CSMD1: variants seen among roughly 807,000 people sequenced by gnomAD.
CSMD1 encodes the protein CUB and sushi domain-containing protein 1.
In CSMD1, 213 loss-of-function variants were observed where a neutral mutation model predicts 417.5. The ratio of observed to expected loss-of-function variants is 0.51; its 90% CI spans 0.46 to 0.57. The LOEUF is 0.57. Ranked by LOEUF, CSMD1 falls within the 20% of genes least tolerant of loss-of-function variation. CSMD1 has a pLI of 0.00. For missense variants in CSMD1, 6,923 were observed against 4,529.7 expected (o/e 1.53, Z -15.17); for synonymous variants, 2,862 against 1,736.8 (o/e 1.65, Z -16.11).
intron 2 of CSMD1, among the ~76,000 whole-genome samples, chr8:4,526,319 T>C (rs572212382): frequency 8.5e-4 from 129 of 152,364 alleles, no homozygotes; most frequent in Non-Finnish European, 1.4e-3. Flanking sequence ...ATGTCAGAAA[T>C]ACTTTTGCAA....
At chr8:4,840,687 G>GTGCC (rs1347459093) in intron 1 of CSMD1, among the ~76,000 whole-genome samples, 2 of 152,308 alleles carry the variant, frequency 1.3e-5, no homozygotes, top group East Asian at 3.9e-4. Flanking sequence ...TTATTACTCA[G>GTGCC]TGCCTGCAAG....
In CSMD1 at chr8:3,965,211, G is replaced by A. The variant is rs913470810; in HGVS notation, c.818+32692C>T. On this transcript the variant is annotated intron_variant, in intron 5 of 69. Coordinates refer to ENST00000635120, the MANE Select transcript of CSMD1 (RefSeq NM_033225.6). ...GACCAGGAGACAAGGGCGGAAGGAGGGGCTGAACTTGAACAGAGACGGCAA... is the reference window on the plus strand; with the variant it reads ...GACCAGGAGACAAGGGCGGAAGGAGAGGCTGAACTTGAACAGAGACGGCAA... Among the ~76,000 whole-genome samples the A allele has an allele frequency of 8.5e-5, 13 of 152,116 alleles. No homozygotes were observed. The South Asian group carries it at 1.0e-3, about 12-fold the overall frequency.
At chr8:3,656,190 C>G (rs563818199) in intron 7 of CSMD1, among the ~76,000 whole-genome samples, 18 of 152,222 alleles carry the variant, frequency 1.2e-4, no homozygotes, top group African/African-American at 4.3e-4. Flanking sequence ...ATGTTTCCTA[C>G]CAGAGCTATT....
chr8:3,142,465 C>G lies in CSMD1; in HGVS notation c.6241G>C (p.Ala2081Pro), dbSNP rs1264927151. ...NRQGFKLAYQ[A>P]YELQNCPDPP... ...TTCGGTTCTCGTTGTTGTTCCATAC[C>G]TTGGTAAGCAAGTTTAAATCCTTGC... is the stretch of plus-strand genomic sequence containing the variant. Residue 2081 changes from alanine to proline, a missense_variant and splice_region_variant, in exon 41 of 70, where the codon GCC becomes CCC. Transcript: ENST00000635120. 6.2e-7 allele frequency: 1 copy of G among 1,612,102 alleles called. No individual in the cohort carries two copies. The highest frequency in any genetic ancestry group is 1.3e-5 in the African/African-American group (1 of 74,832).
At chr8:4,391,725 G>T (rs747728747) in intron 3 of CSMD1, among the ~76,000 whole-genome samples, 1 of 152,132 alleles carries the variant, frequency 6.6e-6, no homozygotes, top group African/African-American at 2.4e-5. Flanking sequence ...AAACCTCCAA[G>T]TGCAATGTGC....
intron 3 of CSMD1, among the ~76,000 whole-genome samples, chr8:4,034,864 A>G (rs1287625687): frequency 6.6e-6 from 1 of 152,240 alleles, no homozygotes; most frequent in Non-Finnish European, 1.5e-5. Context: ...AGACACGGTT[A>G]TCAATGGAAA....
intron 3 of CSMD1, among the ~76,000 whole-genome samples, chr8:4,036,141 A>G (rs893006974): frequency 1.3e-5 from 2 of 152,186 alleles, no homozygotes; most frequent in Admixed American, 1.3e-4. Context: ...CTAGGTGCGT[A>G]GTAGGCCGCA....
Position 3,181,101 on chromosome 8 carries a change from T to G in CSMD1, c.5725+9A>C, listed in dbSNP as rs1821292965. On this transcript the variant is annotated intron_variant, in intron 37 of 69. Transcript: ENST00000635120. ...AGTGGAAGCTGTATACAGAAAGAGT[T>G]GACCTTACTTTTGTATTCCAGGTGG... 1 of 1,583,282 alleles carries G rather than the reference T, an allele frequency of 6.3e-7. No individual in the cohort carries two copies. The highest frequency in any genetic ancestry group is 8.7e-7 in the Non-Finnish European group (1 of 1,152,452).
At chr8:3,433,154 T>G (rs1466601366) in intron 12 of CSMD1, among the ~76,000 whole-genome samples, 2 of 152,244 alleles carry the variant, frequency 1.3e-5, no homozygotes, top group African/African-American at 4.8e-5. Context: ...ATGGTGGGAT[T>G]CTGAAGAAAC....
chr8:4,853,324 G>A (rs566596967), intron 1 of CSMD1, among the ~76,000 whole-genome samples: 2 of 152,308 alleles, frequency 1.3e-5, no homozygotes, highest in Admixed American at 6.5e-5. Flanking sequence ...CTGAAGCCAG[G>A]AATGCAAGGT....
Position 3,191,638 on chromosome 8 carries a change from G to C in CSMD1, c.5195-1523C>G, listed in dbSNP as rs112545141. 3.8e-3 allele frequency among the ~76,000 whole-genome samples: 583 copies of C among 152,184 alleles called. 4 individuals carry two copies. The highest frequency in any genetic ancestry group is 0.014 in the African/African-American group (561 of 41,532). On this transcript the variant is annotated intron_variant, in intron 33 of 69. Transcript: ENST00000635120. ...ACTGACAGGTAAGTATCAGTGCAAC[G>C]TGTGGGTGAGATAACTATTCAGGTT...
At chr8:3,619,956 G>C (rs574150591) in intron 7 of CSMD1, among the ~76,000 whole-genome samples, 1 of 152,122 alleles carries the variant, frequency 6.6e-6, no homozygotes, top group East Asian at 1.9e-4. Context: ...ATAAAAATCA[G>C]CCAGGCATGG....
rs369382146 is a variant in CSMD1 at position 4,145,294 on chromosome 8, T to C, written c.416-113195A>G. ...GAGTTAGACTTCCAATGCTTTCTTG[T>C]TGAGAACTTTATGGTACTCACCATT... On this transcript the variant is annotated intron_variant, in intron 3 of 69. Coordinates refer to ENST00000635120, the MANE Select transcript of CSMD1 (RefSeq NM_033225.6). Among the ~76,000 whole-genome samples the C allele has an allele frequency of 1.9e-4, 29 of 151,192 alleles. No homozygotes were observed. The South Asian group carries it at 5.8e-3, about 30-fold the overall frequency.
chr8:4,828,426 G>A (rs1182414190), intron 1 of CSMD1, among the ~76,000 whole-genome samples: 2 of 152,186 alleles, frequency 1.3e-5, no homozygotes, highest in African/African-American at 2.4e-5. Context: ...CGCAAAGCAG[G>A]GGAGTTGACA....
At chr8:3,130,116 T>C (rs937278577) in intron 41 of CSMD1, among the ~76,000 whole-genome samples, 1 of 152,202 alleles carries the variant, frequency 6.6e-6, no homozygotes, top group Non-Finnish European at 1.5e-5. Context: ...CATATAATTA[T>C]GTTCTATTTT....
At chr8:3,290,025 A>T (rs549489161) in intron 25 of CSMD1, among the ~76,000 whole-genome samples, 3 of 147,498 alleles carry the variant, frequency 2.0e-5, no homozygotes, top group African/African-American at 8.1e-5. Context: ...GAAGGGATCC[A>T]GTTTCAGCTT....
At chr8:4,594,193 ATCTTT>A (rs895459584) in intron 2 of CSMD1, among the ~76,000 whole-genome samples, 7 of 88,110 alleles carry the variant, frequency 7.9e-5, no homozygotes, top group African/African-American at 2.8e-4. Flanking sequence ...TTCTAAAGTG[ATCTTT>A]TTTTTTTTTT....
At chr8:3,818,789 G>C (rs1290927153) in intron 5 of CSMD1, among the ~76,000 whole-genome samples, 1 of 152,080 alleles carries the variant, frequency 6.6e-6, no homozygotes, top group Admixed American at 6.5e-5. Flanking sequence ...CAAAACACCC[G>C]ACCTACGTCC....
chr8:3,064,012 T>G (rs1458046225), intron 49 of CSMD1, among the ~76,000 whole-genome samples: 1 of 152,178 alleles, frequency 6.6e-6, no homozygotes, highest in Admixed American at 6.5e-5. Context: ...TAAAGTTAGA[T>G]AGGGAACATT....
Sources: allele counts gnomAD v4.1 joint callset (sites outside exome capture counted in the v4.1 genomes callset), GRCh38; gene constraint gnomAD v4.1.1; transcripts MANE v1.5; gene names NCBI Gene and HGNC (gene_info 2026-07-23, HGNC 2026-07-21).